The following H6PD variants were observed in gnomAD, a reference collection of about 807,000 sequenced individuals.
H6PD encodes the protein GDH/6PGL endoplasmic bifunctional protein.
Under a neutral mutation model 61.2 loss-of-function variants are expected in H6PD, and 48 were observed. The ratio of observed to expected loss-of-function variants is 0.78; its 90% CI spans 0.62 to 1.00. H6PD has a LOEUF of 1.00. Ranked by LOEUF, H6PD falls within the 50% of genes least tolerant of loss-of-function variation. The probability of loss-of-function intolerance (pLI) is 0.00; values close to 1 mark genes in which losing one functional copy is unlikely to be tolerated. For missense variants in H6PD, 1,093 were observed against 1,065.0 expected (o/e 1.03, Z -0.37); for synonymous variants, 480 against 457.9 (o/e 1.05, Z -0.62).
intron 4 of H6PD, among the ~76,000 whole-genome samples, chr1:9,262,639 G>C (rs769404108): frequency 8.5e-5 from 13 of 152,296 alleles, no homozygotes; most frequent in South Asian, 2.1e-4. Context: ...CTGCCTCATA[G>C]GGTCTCCCCA....
rs1340400035 is a variant in H6PD, at chr1:9,239,973, C to A, written c.-11+4907C>A. 6 of 1,230,622 alleles carry A rather than the reference C, an allele frequency of 4.9e-6. No individual in the cohort carries two copies. In the South Asian group the frequency reaches 1.2e-4, roughly 25 times the overall value. The allele number at this position is 1,230,622 out of a possible 1,614,324, so 76.2% of individuals were successfully genotyped here. ...GCCGGAACCTGGATTCTGATCCAAACCCCCTGGCCCCCACCTTCTGGGATG... is the reference window on the plus strand; with the variant it reads ...GCCGGAACCTGGATTCTGATCCAAAACCCCTGGCCCCCACCTTCTGGGATG... On this transcript the variant is annotated intron_variant, in intron 1 of 4. Transcript: ENST00000377403.
chr1:9,238,695 A>G (rs950123460), intron 1 of H6PD, among the ~76,000 whole-genome samples: 6 of 152,208 alleles, frequency 3.9e-5, no homozygotes, highest in East Asian at 1.9e-4. Flanking sequence ...AAGTCTGGCA[A>G]ACATCCCACT....
chr1:9,252,887 G>A (rs1641410988), intron 3 of H6PD, among the ~76,000 whole-genome samples: 2 of 152,166 alleles, frequency 1.3e-5, no homozygotes, highest in Non-Finnish European at 2.9e-5. Context: ...CAAGTTTACA[G>A]GGGGTCTTTC....
rs1638571208 is a variant in H6PD, at chr1:9,266,704, GT to G, written c.*1836del. 6.6e-6 allele frequency: 1 copy of G among 152,264 alleles called. No homozygotes were observed. Among genetic ancestry groups the G allele is most frequent in the African/African-American group, 2.4e-5 (1 of 41,464 alleles). 9.4% of individuals were successfully genotyped at this position (152,264 alleles called of 1,614,324 possible). ...TCTGGACTGTTTACACTTCAAGGCG[GT>G]GGATTTAGAGGAATCCTGGCTTTCA... On this transcript the variant is annotated 3_prime_UTR_variant, in exon 5 of 5. Transcript: ENST00000377403.
intron 1 of H6PD, among the ~76,000 whole-genome samples, chr1:9,244,161 T>G (rs190781143): frequency 2.2e-4 from 34 of 152,330 alleles, no homozygotes; most frequent in Admixed American, 9.8e-4. Context: ...CTGGTATCAC[T>G]CTTCCAGGAT....
Position 9,264,073 on chromosome 1 carries a change from C to A in H6PD, c.1580C>A (p.Pro527Gln). 6.2e-7 allele frequency: 1 copy of A among 1,614,016 alleles called. No individual in the cohort carries two copies. Among genetic ancestry groups the A allele is most frequent in the Non-Finnish European group, 8.5e-7 (1 of 1,179,956 alleles). Residue 527 changes from proline (P) to glutamine (Q), a missense_variant, in exon 5 of 5, where the codon CCG becomes CAG. Transcript: ENST00000377403. ...SGRLFFSQQQ[P>Q]EQLVPGPGPA... ...CGGTTGTTCTTTTCCCAGCAGCAGC[C>A]GGAGCAGCTGGTGCCAGGGCCAGGG...
chr1:9,249,810 C>T (rs1168214606), intron 3 of H6PD, among the ~76,000 whole-genome samples: 2 of 152,208 alleles, frequency 1.3e-5, no homozygotes, highest in South Asian at 2.1e-4. Flanking sequence ...CTGCCATTTA[C>T]AAACAGGTCC....
chr1:9,250,549 C>A (rs1641329959), intron 3 of H6PD, among the ~76,000 whole-genome samples: 1 of 151,908 alleles, frequency 6.6e-6, no homozygotes, highest in Admixed American at 6.6e-5. Flanking sequence ...ATACCACAGG[C>A]CATTCTCCCT....
intron 3 of H6PD, among the ~76,000 whole-genome samples, chr1:9,259,880 G>A (rs1344443730): frequency 2.6e-5 from 4 of 151,684 alleles, no homozygotes; most frequent in African/African-American, 7.3e-5. Flanking sequence ...GTGTTATGTT[G>A]TTGTTACACC....
intron 1 of H6PD, among the ~76,000 whole-genome samples, chr1:9,243,715 G>A (rs1641068835): frequency 6.6e-6 from 1 of 152,158 alleles, no homozygotes; most frequent in Non-Finnish European, 1.5e-5. Context: ...GCATGTGAGT[G>A]CCTCAGTTTA....
At chr1:9,261,629 A>T (rs1205450934) in intron 3 of H6PD, among the ~76,000 whole-genome samples, 5 of 152,088 alleles carry the variant, frequency 3.3e-5, no homozygotes, top group African/African-American at 9.7e-5. Context: ...CTTACCCAAG[A>T]TCACATGCTA....
chr1:9,249,021 G>A (rs868161137), intron 3 of H6PD, among the ~76,000 whole-genome samples: 1 of 152,230 alleles, frequency 6.6e-6, no homozygotes, highest in Non-Finnish European at 1.5e-5. Context: ...AGCAGAATTG[G>A]AGGGGGTCCT....
At position 9,265,026 on chromosome 1, in the gene H6PD, G is replaced by A. The variant is rs17368633; in HGVS notation, c.*157G>A. 2,278 of 769,416 alleles carry A rather than the reference G, an allele frequency of 3.0e-3. 6 individuals carry two copies. The highest frequency in any genetic ancestry group is 4.1e-3 in the Non-Finnish European group (1,855 of 452,214). 47.7% of individuals were successfully genotyped at this position (769,416 alleles called of 1,614,324 possible). A position where few individuals can be genotyped will look rare whatever the true frequency, so the allele number is the denominator to read the frequency against. On this transcript the variant is annotated 3_prime_UTR_variant, in exon 5 of 5. Coordinates refer to ENST00000377403, the MANE Select transcript of H6PD (RefSeq NM_004285.4). ...GAGAGGGCAGGACAAGCCTTGTCCC[G>A]ATGCCTTTGACCGGCAGCTCTGTGT...
At chr1:9,255,112 C>T (rs1641475694) in intron 3 of H6PD, among the ~76,000 whole-genome samples, 1 of 152,078 alleles carries the variant, frequency 6.6e-6, no homozygotes, top group Non-Finnish European at 1.5e-5. Flanking sequence ...TTTGGGTTGC[C>T]TCTACTTTTT....
At position 9,267,855 on chromosome 1, in the gene H6PD, C is replaced by A. The variant is rs1638619545; in HGVS notation, c.*2986C>A. On this transcript the variant is annotated 3_prime_UTR_variant, in exon 5 of 5. Transcript: ENST00000377403. ...CATAAATCAGTCCATTTGTTTACAA[C>A]TGTGTTCCAAGCAGGTTTCATAAAG... 6.6e-6 allele frequency: 1 copy of A among 152,218 alleles called. No homozygotes were observed. The highest frequency in any genetic ancestry group is 2.1e-4 in the South Asian group (1 of 4,830). 9.4% of individuals were successfully genotyped at this position (152,218 alleles called of 1,614,324 possible).
Position 9,244,969 on chromosome 1 carries a change from C to T in H6PD, c.35C>T (p.Ala12Val), listed in dbSNP as rs766927941. ...ATGCTCATAGTGGCGATGTGCTTGG[C>T]CCTTCTGGGCTGCCTGCAAGCCCAG... is the stretch of plus-strand genomic sequence containing the variant. ...WNMLIVAMCLALLGCLQAQEL... is the reference protein window; with the variant it reads ...WNMLIVAMCLVLLGCLQAQEL... The change falls in exon 2 of 5, where the codon GCC becomes GTC. Residue 12 changes from alanine to valine, a missense_variant. Coordinates refer to ENST00000377403, the MANE Select transcript of H6PD (RefSeq NM_004285.4). 2 of 1,614,088 alleles carry T rather than the reference C, an allele frequency of 1.2e-6. No homozygotes were observed. Among genetic ancestry groups the T allele is most frequent in the South Asian group, 2.2e-5 (2 of 91,084 alleles).
At position 9,245,065 on chromosome 1, in the gene H6PD, A is replaced by G. The variant is rs778375210; in HGVS notation, c.131A>G (p.Gln44Arg). ...TGDLAKKYLW[Q>R]GLFQLYLDEA... ...GACCTGGCTAAGAAGTACTTATGGC[A>G]GGGACTGTTCCAGCTGTACCTGGAT... Residue 44 changes from glutamine (Q) to arginine (R), a missense_variant, in exon 2 of 5, where the codon CAG (glutamine) becomes CGG (arginine). Physicochemically the swap from Gln to Arg is conservative, Grantham distance 43 (BLOSUM62 1). Coordinates refer to ENST00000377403, the MANE Select transcript of H6PD (RefSeq NM_004285.4). The surrounding 1 kb of genome is among the most constrained non-coding windows in gnomAD (Gnocchi z 4.8). 6.2e-7 allele frequency: 1 copy of G among 1,614,212 alleles called. No individual in the cohort carries two copies. The highest frequency in any genetic ancestry group is 8.5e-7 in the Non-Finnish European group (1 of 1,180,032).
chr1:9,253,470 T>C (rs1457911403), intron 3 of H6PD, among the ~76,000 whole-genome samples: 1 of 152,230 alleles, frequency 6.6e-6, no homozygotes, highest in Non-Finnish European at 1.5e-5. Context: ...ATAAATCCAC[T>C]GTAATTCATT....
intron 3 of H6PD, among the ~76,000 whole-genome samples, chr1:9,247,909 C>T (rs1248207902): frequency 1.3e-5 from 2 of 152,228 alleles, no homozygotes; most frequent in Admixed American, 6.5e-5. Context: ...GGCTCTTGCC[C>T]AGTAACGATA....
Sources: allele counts gnomAD v4.1 joint callset (sites outside exome capture counted in the v4.1 genomes callset), GRCh38; gene constraint gnomAD v4.1.1; non-coding constraint Gnocchi (gnomAD v3.1); transcripts MANE v1.5; gene names NCBI Gene and HGNC (gene_info 2026-07-23, HGNC 2026-07-21).